Variants in RAB20 observed in about 807,000 individuals in gnomAD.
The protein encoded by RAB20 is RAB20, member RAS oncogene family, also known as ras-related protein Rab-20.
RAB20 carries 2 observed loss-of-function variants against 3.7 expected under a neutral mutation model. The observed-to-expected ratio is 0.54, with a 90% CI of 0.22 to 1.69. RAB20 has a LOEUF of 1.69. Ranked by LOEUF, RAB20 falls within the 40% of genes most tolerant of loss-of-function variation. RAB20 has a pLI of 0.19. For missense variants in RAB20, 276 were observed against 311.9 expected, an observed-to-expected ratio of 0.88 and a Z score of 0.87; for synonymous variants, 126 against 130.8, an observed-to-expected ratio of 0.96 and a Z score of 0.25.
chr13:110,524,164 T>A lies in RAB20; in HGVS notation c.206A>T (p.Tyr69Phe). 1 of 1,603,578 alleles carries A rather than the reference T, an allele frequency of 6.2e-7. No individual in the cohort carries two copies. The highest frequency in any genetic ancestry group is 8.5e-7 in the Non-Finnish European group (1 of 1,178,906). The change falls in exon 2 of 2, where the codon TAC becomes TTC. Residue 69 changes from tyrosine (Y) to phenylalanine (F), a missense_variant. Tyr to Phe is a conservative substitution (Grantham distance 22). Coordinates refer to ENST00000267328, the MANE Select transcript of RAB20 (RefSeq NM_017817.3). The part of the protein sequence containing the change: ...REQFHGLGSM[Y>F]CRGAAAIILT... ...GATGATGGCGGCCGCCCCCCGGCAG[T>A]ACATGGAGCCCAGGCCGTGGAACTG...
At chr13:110,544,712 A>C (rs1884821782) in intron 1 of RAB20, among the ~76,000 whole-genome samples, 1 of 152,170 alleles carries the variant, frequency 6.6e-6, no homozygotes, top group Admixed American at 6.5e-5. Context: ...ACACATGGAG[A>C]ACCAGAGAGG....
At chr13:110,532,073 A>T (rs1343842011) in intron 1 of RAB20, among the ~76,000 whole-genome samples, 1 of 152,214 alleles carries the variant, frequency 6.6e-6, no homozygotes, top group Non-Finnish European at 1.5e-5. Context: ...AGCCATCAGA[A>T]GCCACGGACA....
At chr13:110,559,358 G>A (rs1885095101) in intron 1 of RAB20, among the ~76,000 whole-genome samples, 2 of 152,176 alleles carry the variant, frequency 1.3e-5, no homozygotes, top group Non-Finnish European at 2.9e-5. Context: ...TGGAGAGAAA[G>A]TTTAGGAGCT....
intron 1 of RAB20, among the ~76,000 whole-genome samples, chr13:110,535,421 G>A (rs989711533): frequency 3.3e-5 from 5 of 152,190 alleles, no homozygotes; most frequent in Non-Finnish European, 7.3e-5. Flanking sequence ...TTACAGAAAC[G>A]AATAAATAAC....
chr13:110,554,686 C>G (rs1484673320), intron 1 of RAB20, among the ~76,000 whole-genome samples: 1 of 152,174 alleles, frequency 6.6e-6, no homozygotes, highest in Non-Finnish European at 1.5e-5. Context: ...AAAGAGAAAG[C>G]TCTTAAACCA....
intron 1 of RAB20, among the ~76,000 whole-genome samples, chr13:110,548,426 G>C (rs1260505513): frequency 6.6e-6 from 1 of 151,548 alleles, no homozygotes; most frequent in Non-Finnish European, 1.5e-5. Context: ...GGAGGTTGCA[G>C]TGAGCCGAGA....
At chr13:110,536,426 A>G (rs1594131975) in intron 1 of RAB20, among the ~76,000 whole-genome samples, 1 of 152,150 alleles carries the variant, frequency 6.6e-6, no homozygotes, top group Non-Finnish European at 1.5e-5. Context: ...ATCTCCTCTC[A>G]CCAAGGTCCA....
chr13:110,523,156 A>T lies in RAB20; in HGVS notation c.*509T>A. On this transcript the variant is annotated 3_prime_UTR_variant, in exon 2 of 2. Coordinates refer to ENST00000267328, the MANE Select transcript of RAB20 (RefSeq NM_017817.3). The stretch of plus-strand genomic sequence containing the variant: ...CAAAGTTATTCCTGATTTTGTATAA[A>T]TGAACACGTCGAGAGTCAGGATTAT... 1 of 399,796 alleles carries T rather than the reference A, an allele frequency of 2.5e-6. No homozygotes were observed. Among genetic ancestry groups the T allele is most frequent in the South Asian group, 1.4e-4 (1 of 7,186 alleles). The allele number at this position is 399,796 out of a possible 1,614,324, so 24.8% of individuals were successfully genotyped here. A position where few individuals can be genotyped will look rare whatever the true frequency, so the allele number is the denominator to read the frequency against.
At chr13:110,557,749 A>C (rs1018879238) in intron 1 of RAB20, among the ~76,000 whole-genome samples, 6 of 152,226 alleles carry the variant, frequency 3.9e-5, no homozygotes, top group Non-Finnish European at 8.8e-5. Context: ...CTGGCTCTTC[A>C]AGGGCCAGGT....
chr13:110,532,683 A>T (rs888072922), intron 1 of RAB20, among the ~76,000 whole-genome samples: 6 of 151,794 alleles, frequency 4.0e-5, no homozygotes, highest in African/African-American at 7.3e-5. Context: ...AGCCTATTTA[A>T]TTATTATTTT....
intron 1 of RAB20, among the ~76,000 whole-genome samples, chr13:110,546,391 G>A (rs1294348978): frequency 1.3e-5 from 2 of 152,166 alleles, no homozygotes; most frequent in Admixed American, 6.5e-5. Flanking sequence ...CCCAAATACA[G>A]CTGTGAGGGA....
chr13:110,559,668 G>A lies in RAB20; in HGVS notation c.172+1680C>T, dbSNP rs566108295. Among the ~76,000 whole-genome samples the A allele has an allele frequency of 1.3e-4, 20 of 152,356 alleles. No homozygotes were observed. In the East Asian group the frequency reaches 2.1e-3, roughly 16 times the overall value. ...CAAGCAGCAGCAGCCTCGGATGCCA[G>A]GAAATGAGCTGCTGCCCCCCAGTAA... On this transcript the variant is annotated intron_variant, in intron 1 of 1. Transcript: ENST00000267328.
At chr13:110,534,123 T>C (rs1232875522) in intron 1 of RAB20, among the ~76,000 whole-genome samples, 1 of 152,140 alleles carries the variant, frequency 6.6e-6, no homozygotes, top group Non-Finnish European at 1.5e-5. Context: ...TTTACATCAG[T>C]GGATGTGAGA....
intron 1 of RAB20, among the ~76,000 whole-genome samples, chr13:110,546,505 C>G (rs2139585449): frequency 6.6e-6 from 1 of 152,294 alleles, no homozygotes; most frequent in East Asian, 1.9e-4. Context: ...CAAGGAAGCA[C>G]AGTCACACAT....
At chr13:110,546,507 G>A (rs1272370915) in intron 1 of RAB20, among the ~76,000 whole-genome samples, 4 of 152,164 alleles carry the variant, frequency 2.6e-5, no homozygotes, top group African/African-American at 9.7e-5. Context: ...AGGAAGCACA[G>A]TCACACATGA....
rs185861027 is a variant in RAB20, at chr13:110,545,210, A to C, written c.172+16138T>G. On this transcript the variant is annotated intron_variant, in intron 1 of 1. Coordinates refer to ENST00000267328, the MANE Select transcript of RAB20 (RefSeq NM_017817.3). ...CTAAGAGTGTAACTGGGTTGTTTGT[A>C]ACGCAAGGGATAAATGTTTGAGGGA... 2.8e-3 allele frequency among the ~76,000 whole-genome samples: 425 copies of C among 152,290 alleles called. 1 individual carries two copies. The highest frequency in any genetic ancestry group is 9.8e-3 in the African/African-American group (406 of 41,558).
At chr13:110,548,549 G>A (rs1884894783) in intron 1 of RAB20, among the ~76,000 whole-genome samples, 1 of 151,516 alleles carries the variant, frequency 6.6e-6, no homozygotes, top group Admixed American at 6.6e-5. Context: ...AGTCTCACCT[G>A]CCTCCATCCT....
At chr13:110,552,692 C>CAAATAAAT (rs199741920) in intron 1 of RAB20, among the ~76,000 whole-genome samples, 4,689 of 144,658 alleles carry the variant, frequency 0.032, 199 homozygotes, top group African/African-American at 0.098. Context: ...GACTCCATCT[C>CAAATAAAT]AAATAAATAA....
intron 1 of RAB20, among the ~76,000 whole-genome samples, chr13:110,558,510 A>G (rs1885077943): frequency 6.7e-6 from 1 of 149,620 alleles, no homozygotes; most frequent in African/African-American, 2.5e-5. Flanking sequence ...CAGCCTCCCA[A>G]GTAGCTAGGA....
Sources: allele counts gnomAD v4.1 joint callset (sites outside exome capture counted in the v4.1 genomes callset), GRCh38; gene constraint gnomAD v4.1.1; transcripts MANE v1.5; gene names NCBI Gene and HGNC (gene_info 2026-07-23, HGNC 2026-07-21).